Variants in DPEP1 observed in about 807,000 individuals in gnomAD.
DPEP1 encodes beta-lactamase.
A neutral mutation model predicts 42.3 loss-of-function variants in DPEP1; 50 were observed. The ratio of observed to expected loss-of-function variants is 1.18; its 90% CI spans 0.94 to 1.50. DPEP1 has a LOEUF of 1.50. Among genes scored for constraint, DPEP1 ranks in the 40% most tolerant of loss-of-function variants. DPEP1 has a pLI of 0.00. For missense variants in DPEP1, 663 were observed against 553.0 expected (o/e 1.20, Z -1.99); for synonymous variants, 297 against 234.0 (o/e 1.27, Z -2.46).
At chr16:89,622,497 G>A (rs113727943) in intron 1 of DPEP1, among the ~76,000 whole-genome samples, 1,943 of 152,208 alleles carry the variant, frequency 0.013, 47 homozygotes, top group African/African-American at 0.044. Flanking sequence ...AAAGAATAAC[G>A]CACTCGGGCC....
chr16:89,631,448 C>T (rs2059587391), intron 2 of DPEP1, among the ~76,000 whole-genome samples: 1 of 152,220 alleles, frequency 6.6e-6, no homozygotes, highest in East Asian at 1.9e-4. Context: ...GGGAGGGTCA[C>T]TGAGAGTCCG....
At chr16:89,624,325 C>T (rs1328434216) in intron 1 of DPEP1, among the ~76,000 whole-genome samples, 1 of 152,110 alleles carries the variant, frequency 6.6e-6, no homozygotes, top group Non-Finnish European at 1.5e-5. Flanking sequence ...GGGAACCTCT[C>T]ATCACGGCAG....
At chr16:89,635,862 C>T in intron 2 of DPEP1, 46 bp from the exon 3 acceptor site, 1 of 1,551,186 alleles carries the variant, frequency 6.4e-7, no homozygotes, top group Non-Finnish European at 8.7e-7. Context: ...GCCCCCAGGT[C>T]CCAGTGGCCG....
At chr16:89,636,216 G>T in intron 3 of DPEP1, 48 bp from the exon 4 acceptor site, 1 of 1,577,962 alleles carries the variant, frequency 6.3e-7, no homozygotes, top group Non-Finnish European at 8.6e-7. Context: ...GCGGGGGGTG[G>T]GCTGAGACCT....
intron 2 of DPEP1, among the ~76,000 whole-genome samples, chr16:89,633,575 T>G (rs1455033927): frequency 6.6e-6 from 1 of 151,734 alleles, no homozygotes; most frequent in Middle Eastern, 3.2e-3. Flanking sequence ...TGGAAATGAT[T>G]AACAGTTACT....
At chr16:89,621,370 G>A (rs1345308653) in intron 1 of DPEP1, among the ~76,000 whole-genome samples, 1 of 152,070 alleles carries the variant, frequency 6.6e-6, no homozygotes, top group African/African-American at 2.4e-5. Flanking sequence ...CTGGGAGGGA[G>A]GCGTTGGGGG....
intron 1 of DPEP1, among the ~76,000 whole-genome samples, chr16:89,627,107 GA>G (rs999724157): frequency 6.8e-6 from 1 of 147,906 alleles, no homozygotes; most frequent in Non-Finnish European, 1.5e-5. Context: ...TAAAAAAAAA[GA>G]AAAAAAAGAA....
intron 1 of DPEP1, among the ~76,000 whole-genome samples, chr16:89,624,530 G>A (rs1258148438): frequency 7.4e-6 from 1 of 134,272 alleles, no homozygotes; most frequent in African/African-American, 2.5e-5. Flanking sequence ...ATAGTTTTCT[G>A]GGGTTTGTTT....
intron 5 of DPEP1, 47 bp downstream of exon 5, chr16:89,636,730 G>C (rs1204888316): frequency 1.2e-6 from 2 of 1,606,796 alleles, no homozygotes; most frequent in East Asian, 4.5e-5. Flanking sequence ...TCAGGAGGGA[G>C]GGGGCAGACA....
chr16:89,624,118 G>A (rs1337706603), intron 1 of DPEP1, among the ~76,000 whole-genome samples: 6 of 152,200 alleles, frequency 3.9e-5, no homozygotes, highest in Non-Finnish European at 7.3e-5. Flanking sequence ...GGACTGGGGA[G>A]TGAATTCCTG....
chr16:89,636,014 C>CT lies in DPEP1; in HGVS notation c.212dup (p.Arg72GlufsTer76), dbSNP rs780813120. On this transcript the variant is annotated frameshift_variant, in exon 3 of 11. Transcript: ENST00000690203. LOFTEE classifies it high-confidence loss of function. The stretch of plus-strand genomic sequence containing the variant: ...CGGCACACACACCAACATCCCCAAG[C>CT]TGAGGGCCGGCTTTGTGGGAGGCCA... The CT allele has an allele frequency of 6.2e-7, 1 of 1,611,506 alleles. No individual in the cohort carries two copies. Among genetic ancestry groups the CT allele is most frequent in the South Asian group, 1.1e-5 (1 of 90,932 alleles).
chr16:89,618,947 T>C (rs7187225), intron 1 of DPEP1, among the ~76,000 whole-genome samples: 1,565 of 6,338 alleles, frequency 0.25, 133 homozygotes, highest in East Asian at 0.44. Flanking sequence ...CCTGCCCCCC[T>C]GCTCCCCTCC....
intron 1 of DPEP1, among the ~76,000 whole-genome samples, chr16:89,622,796 A>C (rs1407238940): frequency 6.6e-6 from 1 of 151,866 alleles, no homozygotes; most frequent in African/African-American, 2.4e-5. Context: ...AAAAAAAAAA[A>C]ACACACTCGT....
Position 89,630,297 on chromosome 16 carries a change from C to A in DPEP1, c.-106-8C>A. Reference sequence around the variant, plus strand: ...TTCCACCCACACCTCTGGTGCCTCTCCTGGCAGGCAGAGTGGCTCCTCACA... The same window carrying A: ...TTCCACCCACACCTCTGGTGCCTCTACTGGCAGGCAGAGTGGCTCCTCACA... On this transcript the variant is annotated splice_region_variant and splice_polypyrimidine_tract_variant and intron_variant, in intron 1 of 10. Transcript: ENST00000690203. 1 of 766,592 alleles carries A rather than the reference C, an allele frequency of 1.3e-6. No homozygotes were observed. The highest frequency in any genetic ancestry group is 2.2e-6 in the Non-Finnish European group (1 of 461,024). 47.5% of individuals were successfully genotyped at this position (766,592 alleles called of 1,614,324 possible).
intron 1 of DPEP1, among the ~76,000 whole-genome samples, chr16:89,628,338 T>A (rs1935308111): frequency 6.9e-6 from 1 of 144,364 alleles, no homozygotes; most frequent in South Asian, 2.2e-4. Context: ...GCTCATGGCA[T>A]CCTCCACCTC....
intron 1 of DPEP1, among the ~76,000 whole-genome samples, chr16:89,614,372 C>G (rs753403171): frequency 1.3e-5 from 2 of 152,176 alleles, no homozygotes; most frequent in Non-Finnish European, 2.9e-5. Flanking sequence ...TGAGGAGCGC[C>G]GAGTCCCCGG....
intron 2 of DPEP1, among the ~76,000 whole-genome samples, chr16:89,633,354 G>A (rs2059614034): frequency 6.6e-6 from 1 of 152,244 alleles, no homozygotes; most frequent in Non-Finnish European, 1.5e-5. Flanking sequence ...TCAGGCGTGC[G>A]CCCGCCCATC....
chr16:89,623,310 T>C (rs2059468297), intron 1 of DPEP1, among the ~76,000 whole-genome samples: 1 of 151,160 alleles, frequency 6.6e-6, no homozygotes, highest in African/African-American at 2.4e-5. Context: ...AAAATGCTCA[T>C]GCCTTCCGGC....
chr16:89,620,371 C>T (rs2059433568), intron 1 of DPEP1, among the ~76,000 whole-genome samples: 1 of 152,146 alleles, frequency 6.6e-6, no homozygotes, highest in South Asian at 2.1e-4. Context: ...GCCCCCTCCT[C>T]TCCATTTCTC....
Sources: allele counts gnomAD v4.1 joint callset (sites outside exome capture counted in the v4.1 genomes callset), GRCh38; gene constraint gnomAD v4.1.1; transcripts MANE v1.5; gene names NCBI Gene and HGNC (gene_info 2026-07-23, HGNC 2026-07-21).